The following MGAT4C variants were observed in gnomAD, a reference collection of about 807,000 sequenced individuals.
The protein encoded by MGAT4C is MGAT4 family member C, also known as alpha-1,3-mannosyl-glycoprotein 4-beta-N-acetylglucosaminyltransferase C.
Under a neutral mutation model 40.1 loss-of-function variants are expected in MGAT4C, and 19 were observed. The ratio of observed to expected loss-of-function variants is 0.47; its 90% CI spans 0.33 to 0.70. The LOEUF is 0.70. Ranked by LOEUF, MGAT4C falls within the 30% of genes least tolerant of loss-of-function variation. The pLI is 0.02. For missense variants in MGAT4C, 491 were observed against 563.2 expected, an observed-to-expected ratio of 0.87 and a Z score of 1.30; for synonymous variants, 181 against 187.1, an observed-to-expected ratio of 0.97 and a Z score of 0.27.
rs555163586 is a variant in MGAT4C, at chr12:86,491,340, C to CA, written c.-228-56076dup. On this transcript the variant is annotated intron_variant, in intron 2 of 7. Coordinates refer to the MGAT4C transcript ENST00000548651. ...TACTAAAGCTGGGCAGAGACACAACCAAAAAAAAGAATTTTAGACCAATAT... is the reference window on the plus strand; with the variant it reads ...TACTAAAGCTGGGCAGAGACACAACCAAAAAAAAAGAATTTTAGACCAATAT... Among the ~76,000 whole-genome samples, 575 of 151,336 alleles carry CA rather than the reference C, an allele frequency of 3.8e-3. 2 individuals are homozygous for CA. Among genetic ancestry groups the CA allele is most frequent in the African/African-American group, 0.012 (513 of 41,302 alleles).
chr12:86,427,217 A>G (rs916800314), intron 3 of MGAT4C, among the ~76,000 whole-genome samples: 5 of 152,094 alleles, frequency 3.3e-5, no homozygotes, highest in Non-Finnish European at 7.4e-5. Context: ...CTTCCATTCT[A>G]CATTTACACA....
intron 2 of MGAT4C, among the ~76,000 whole-genome samples, chr12:86,670,383 A>AAAAC (rs764093671): frequency 1.3e-5 from 2 of 152,284 alleles, no homozygotes; most frequent in South Asian, 4.1e-4. Context: ...TCTGGAATTT[A>AAAAC]AAACAAACAA....
chr12:86,488,010 T>C (rs1958053723), intron 2 of MGAT4C, among the ~76,000 whole-genome samples: 1 of 152,164 alleles, frequency 6.6e-6, no homozygotes. Context: ...TTTTAATTCA[T>C]AACTCACAAG....
At chr12:86,364,053 A>G (rs997271814) in intron 3 of MGAT4C, among the ~76,000 whole-genome samples, 6 of 151,950 alleles carry the variant, frequency 3.9e-5, no homozygotes, top group South Asian at 4.1e-4. Context: ...TGTAAAACCA[A>G]TTGAGTTGGT....
intron 1 of MGAT4C, among the ~76,000 whole-genome samples, chr12:86,073,738 AC>A (rs1206350771): frequency 6.6e-6 from 1 of 151,632 alleles, no homozygotes; most frequent in Non-Finnish European, 1.5e-5. Flanking sequence ...CAATACCCAT[AC>A]CCCCCATTGT....
chr12:86,188,705 A>G (rs2135892893), intron 1 of MGAT4C, among the ~76,000 whole-genome samples: 1 of 152,148 alleles, frequency 6.6e-6, no homozygotes, highest in South Asian at 2.1e-4. Flanking sequence ...AGGAAAATTC[A>G]TTAACTAGTG....
chr12:86,673,480 A>G (rs760670326), intron 2 of MGAT4C, among the ~76,000 whole-genome samples: 1 of 152,070 alleles, frequency 6.6e-6, no homozygotes, highest in South Asian at 2.1e-4. Context: ...CACACATACA[A>G]CCACACACAC....
At chr12:86,207,379 C>T (rs1200594628) in intron 1 of MGAT4C, among the ~76,000 whole-genome samples, 1 of 151,888 alleles carries the variant, frequency 6.6e-6, no homozygotes, top group East Asian at 1.9e-4. Flanking sequence ...ACCTATCAAC[C>T]TGTCATTTAG....
chr12:86,420,266 C>G (rs1228763625), intron 3 of MGAT4C, among the ~76,000 whole-genome samples: 1 of 151,960 alleles, frequency 6.6e-6, no homozygotes, highest in African/African-American at 2.4e-5. Context: ...CCCGCAGTCC[C>G]AGTTACTCTC....
At chr12:86,120,950 C>G (rs577092437) in intron 1 of MGAT4C, among the ~76,000 whole-genome samples, 3 of 152,158 alleles carry the variant, frequency 2.0e-5, no homozygotes, top group Admixed American at 6.5e-5. Context: ...CTTCTCCGAG[C>G]TAAAGGAGGA....
At chr12:86,297,188 T>C (rs763223990) in intron 4 of MGAT4C, among the ~76,000 whole-genome samples, 12 of 152,190 alleles carry the variant, frequency 7.9e-5, no homozygotes, top group Non-Finnish European at 1.3e-4. Context: ...CAAGGTGACT[T>C]AGGCTTTCGA....
intron 1 of MGAT4C, among the ~76,000 whole-genome samples, chr12:86,245,767 T>G (rs1951999473): frequency 6.6e-6 from 1 of 152,136 alleles, no homozygotes; most frequent in Non-Finnish European, 1.5e-5. Context: ...TAGAATATAA[T>G]TTTCCTCCTC....
At chr12:86,091,655 T>C (rs1312410819) in intron 1 of MGAT4C, among the ~76,000 whole-genome samples, 2 of 152,152 alleles carry the variant, frequency 1.3e-5, no homozygotes, top group Non-Finnish European at 2.9e-5. Context: ...ATAATACCTC[T>C]TTTATTTTAT....
chr12:86,810,460 G>A (rs776595452), intron 1 of MGAT4C, among the ~76,000 whole-genome samples: 2 of 151,712 alleles, frequency 1.3e-5, no homozygotes, highest in African/African-American at 4.8e-5. Flanking sequence ...AATTATATCA[G>A]TTATAAGCTT....
intron 4 of MGAT4C, among the ~76,000 whole-genome samples, chr12:86,271,203 A>T (rs1478692480): frequency 6.6e-6 from 1 of 152,236 alleles, no homozygotes; most frequent in Non-Finnish European, 1.5e-5. Flanking sequence ...ACAGCAGAGG[A>T]AACAACACAG....
At chr12:86,394,387 G>A (rs570956651) in intron 3 of MGAT4C, among the ~76,000 whole-genome samples, 48 of 150,830 alleles carry the variant, frequency 3.2e-4, no homozygotes, top group Non-Finnish European at 3.7e-4. Flanking sequence ...TTCTAAAGAG[G>A]CTGTATGCTC....
intron 2 of MGAT4C, among the ~76,000 whole-genome samples, chr12:86,603,767 T>A (rs1473113145): frequency 1.8e-5 from 2 of 108,910 alleles, no homozygotes; most frequent in African/African-American, 6.7e-5. Context: ...ATATATAGTA[T>A]AATTATATAT....
intron 2 of MGAT4C, among the ~76,000 whole-genome samples, chr12:86,524,706 TG>T (rs1318400909): frequency 6.6e-6 from 1 of 152,196 alleles, no homozygotes; most frequent in East Asian, 1.9e-4. Flanking sequence ...GGGACACCAA[TG>T]AGTCTTACAT....
intron 1 of MGAT4C, among the ~76,000 whole-genome samples, chr12:86,203,390 G>A (rs970841291): frequency 6.6e-5 from 10 of 152,064 alleles, no homozygotes; most frequent in African/African-American, 2.4e-4. Context: ...AGGAGCTATT[G>A]TCTACAAGGT....
Sources: allele counts gnomAD v4.1 joint callset (sites outside exome capture counted in the v4.1 genomes callset), GRCh38; gene constraint gnomAD v4.1.1; transcripts MANE v1.5; gene names NCBI Gene and HGNC (gene_info 2026-07-23, HGNC 2026-07-21).